The following PIBF1 variants were observed in gnomAD, a reference collection of about 807,000 sequenced individuals.
PIBF1 encodes the protein progesterone immunomodulatory binding factor 1.
A neutral mutation model predicts 112.5 loss-of-function variants in PIBF1; 90 were observed. The ratio of observed to expected loss-of-function variants is 0.80; its 90% CI spans 0.67 to 0.95. The LOEUF is 0.95. Among genes scored for constraint, PIBF1 ranks in the 40% least tolerant of loss-of-function variants. The probability of loss-of-function intolerance (pLI) is 0.00; values close to 1 mark genes in which losing one functional copy is unlikely to be tolerated. For missense variants in PIBF1, 915 were observed against 852.3 expected (o/e 1.07, Z -0.92); for synonymous variants, 301 against 288.6 (o/e 1.04, Z -0.44).
intron 14 of PIBF1, among the ~76,000 whole-genome samples, chr13:72,946,121 G>A (rs990359069): frequency 6.6e-6 from 1 of 152,098 alleles, no homozygotes; most frequent in Non-Finnish European, 1.5e-5. Flanking sequence ...ATCAATGAAG[G>A]AAAGAGGTTT....
At chr13:73,002,417 A>G (rs2043899799) in intron 17 of PIBF1, among the ~76,000 whole-genome samples, 1 of 152,190 alleles carries the variant, frequency 6.6e-6, no homozygotes, top group African/African-American at 2.4e-5. Context: ...CTCTTAAGGT[A>G]GCTTTTTGCT....
rs558660013 is a variant in PIBF1 at position 73,009,904 on chromosome 13, A to G, written c.2224-5965A>G. 1.8e-4 allele frequency among the ~76,000 whole-genome samples: 28 copies of G among 152,354 alleles called. No homozygotes were observed. The East Asian group carries it at 2.1e-3, about 12-fold the overall frequency. On this transcript the variant is annotated intron_variant, in intron 17 of 17. Transcript: ENST00000326291. ...GGAGAGTCAGAAAGAACTGTCTGCCATTGAAATTCTTATACCGTCCTTTTT... is the reference window on the plus strand; with the variant it reads ...GGAGAGTCAGAAAGAACTGTCTGCCGTTGAAATTCTTATACCGTCCTTTTT...
At chr13:72,919,669 G>A (rs7321342) in intron 13 of PIBF1, among the ~76,000 whole-genome samples, 11,578 of 152,006 alleles carry the variant, frequency 0.076, 1,173 homozygotes, top group African/African-American at 0.24. Flanking sequence ...AAGAATCTTT[G>A]TTACAAGAAA....
At chr13:72,847,349 A>G (rs2037921449) in intron 9 of PIBF1, among the ~76,000 whole-genome samples, 1 of 152,206 alleles carries the variant, frequency 6.6e-6, no homozygotes. Context: ...ACAGAAGTTT[A>G]TTGGCTCACA....
intron 13 of PIBF1, among the ~76,000 whole-genome samples, chr13:72,917,957 T>C: frequency 6.6e-6 from 1 of 152,122 alleles, no homozygotes; most frequent in Admixed American, 6.6e-5. Flanking sequence ...CCACAGGAGG[T>C]GGAGAATGTA....
At chr13:72,789,651 TG>T (rs1332056499) in intron 2 of PIBF1, among the ~76,000 whole-genome samples, 1 of 151,842 alleles carries the variant, frequency 6.6e-6, no homozygotes, top group East Asian at 1.9e-4. Context: ...CTGAAAAAAA[TG>T]TTTTTTTTTT....
chr13:72,869,512 T>C (rs2039068920), intron 10 of PIBF1, among the ~76,000 whole-genome samples: 2 of 151,418 alleles, frequency 1.3e-5, no homozygotes, highest in South Asian at 4.2e-4. Flanking sequence ...ATATACGTAA[T>C]GCTAAATGAC....
At chr13:72,977,225 G>A (rs185023408) in intron 16 of PIBF1, among the ~76,000 whole-genome samples, 27 of 151,908 alleles carry the variant, frequency 1.8e-4, no homozygotes, top group African/African-American at 5.6e-4. Flanking sequence ...TTTGTTTTGA[G>A]ATGGAGTCTT....
intron 14 of PIBF1, among the ~76,000 whole-genome samples, chr13:72,942,798 C>T (rs945523284): frequency 6.6e-6 from 1 of 152,012 alleles, no homozygotes; most frequent in Admixed American, 6.6e-5. Context: ...GCCAGGAGTT[C>T]GAGACCTGCC....
chr13:72,801,942 A>G (rs2035499558), intron 5 of PIBF1, among the ~76,000 whole-genome samples: 1 of 152,220 alleles, frequency 6.6e-6, no homozygotes, highest in Non-Finnish European at 1.5e-5. Flanking sequence ...TAAACAAATT[A>G]TGTAAAACTT....
chr13:72,886,663 T>A (rs576658274), intron 10 of PIBF1, among the ~76,000 whole-genome samples: 1 of 152,186 alleles, frequency 6.6e-6, no homozygotes, highest in East Asian at 1.9e-4. Flanking sequence ...CATGATATGA[T>A]AGATGCATTG....
rs147116133 is a variant in PIBF1, at chr13:72,989,247, C to T, written c.2050-9575C>T. ...TGAAACATATCCACACAAAAATTTACACACAAAACTTTTCACTGTTTCAAA... is the reference window on the plus strand; with the variant it reads ...TGAAACATATCCACACAAAAATTTATACACAAAACTTTTCACTGTTTCAAA... On this transcript the variant is annotated intron_variant, in intron 16 of 17. Coordinates refer to ENST00000326291, the MANE Select transcript of PIBF1 (RefSeq NM_006346.4). Among the ~76,000 whole-genome samples, 105 of 152,244 alleles carry T rather than the reference C, an allele frequency of 6.9e-4. 1 individual carries two copies. In the East Asian group the frequency reaches 0.02, roughly 29 times the overall value.
Position 72,927,990 on chromosome 13 carries a change from C to CATAT in PIBF1, c.1731-3174_1731-3173insTATA, listed in dbSNP as rs1198692717. On this transcript the variant is annotated intron_variant, in intron 13 of 17. Coordinates refer to ENST00000326291, the MANE Select transcript of PIBF1 (RefSeq NM_006346.4). Reference sequence around the variant, plus strand: ...ATATATATATATACATATATATATACACACACATATATATACATATATATA... The same window carrying CATAT: ...ATATATATATATACATATATATATACATATACACACATATATATACATATATATA... 5.3e-3 allele frequency among the ~76,000 whole-genome samples: 428 copies of CATAT among 80,776 alleles called. 12 individuals are homozygous for CATAT. Among genetic ancestry groups the CATAT allele is most frequent in the East Asian group, 6.3e-3 (22 of 3,492 alleles). The allele number at this position is 80,776 out of a possible 152,430, so 53.0% of individuals were successfully genotyped here. A position where few individuals can be genotyped will look rare whatever the true frequency, so the allele number is the denominator to read the frequency against.
chr13:72,986,676 C>CTTTTTT (rs765529786), intron 16 of PIBF1, among the ~76,000 whole-genome samples: 12 of 89,002 alleles, frequency 1.3e-4, no homozygotes, highest in Admixed American at 2.8e-4. Context: ...TTTCTGTCAT[C>CTTTTTT]TTTTTTTTTT....
At chr13:72,806,171 C>T (rs1441399964) in intron 5 of PIBF1, among the ~76,000 whole-genome samples, 1 of 152,146 alleles carries the variant, frequency 6.6e-6, no homozygotes, top group Non-Finnish European at 1.5e-5. Context: ...TGTTGCAACA[C>T]TGAAAACTAC....
At chr13:73,015,172 C>T (rs1029402756) in intron 17 of PIBF1, among the ~76,000 whole-genome samples, 1 of 151,746 alleles carries the variant, frequency 6.6e-6, no homozygotes. Flanking sequence ...TTTTTCTTTT[C>T]GTGGAGATGG....
intron 6 of PIBF1, 85 bp downstream of exon 6, chr13:72,822,067 T>G (rs1206336595): frequency 9.1e-6 from 11 of 1,208,100 alleles, no homozygotes; most frequent in Non-Finnish European, 1.3e-5. Flanking sequence ...CAATCAGTTG[T>G]TAATTTTACT....
chr13:72,968,621 A>G (rs962764662), intron 15 of PIBF1, among the ~76,000 whole-genome samples: 2 of 152,104 alleles, frequency 1.3e-5, no homozygotes, highest in Non-Finnish European at 2.9e-5. Flanking sequence ...AAATGTGGCT[A>G]CTGTTACTGA....
At chr13:72,981,248 T>C (rs1363167846) in intron 16 of PIBF1, among the ~76,000 whole-genome samples, 1 of 149,926 alleles carries the variant, frequency 6.7e-6, no homozygotes, top group African/African-American at 2.5e-5. Flanking sequence ...CAAGACTCTG[T>C]CTCAAAAAAA....
Sources: gnomAD v4.1 joint callset for allele counts (sites outside exome capture counted in the v4.1 genomes callset) on GRCh38, gnomAD v4.1.1 for gene constraint, MANE v1.5 for transcripts, NCBI Gene and HGNC (gene_info 2026-07-23, HGNC 2026-07-21) for gene names.